Variants in SASH1 observed in about 807,000 individuals in gnomAD.
The protein encoded by SASH1 is SAM and SH3 domain-containing protein 1.
Under a neutral mutation model 125.2 loss-of-function variants are expected in SASH1, and 44 were observed. The ratio of observed to expected loss-of-function variants is 0.35; its 90% confidence interval spans 0.28 to 0.45. The LOEUF (loss-of-function observed/expected upper bound fraction) is 0.45. Ranked by LOEUF, SASH1 falls within the 20% of genes least tolerant of loss-of-function variation. The probability of loss-of-function intolerance (pLI) is 1.00; values close to 1 mark genes in which losing one functional copy is unlikely to be tolerated. For missense variants in SASH1, 1,426 were observed against 1,614.5 expected (o/e 0.88, Z 2.00); for synonymous variants, 639 against 649.1 (o/e 0.98, Z 0.24).
chr6:148,313,082 G>C (rs1001855920), intron 1 of SASH1, among the ~76,000 whole-genome samples: 1 of 152,176 alleles, frequency 6.6e-6, no homozygotes, highest in Admixed American at 6.5e-5. Context: ...GGCAGAGAGA[G>C]GAGAGACCAA....
intron 19 of SASH1, among the ~76,000 whole-genome samples, chr6:148,547,388 A>G (rs955181052): frequency 1.1e-4 from 17 of 152,230 alleles, no homozygotes; most frequent in African/African-American, 3.9e-4. Context: ...CAGACTACTC[A>G]GAATGGCATG....
chr6:148,257,721 C>T, the SASH1 span, among the ~76,000 whole-genome samples: 1 of 151,126 alleles, frequency 6.6e-6, no homozygotes, highest in South Asian at 2.1e-4. Flanking sequence ...AACTCCGCCT[C>T]CTGGGTTCAA....
At chr6:148,484,200 C>T (rs6929014) in intron 7 of SASH1, among the ~76,000 whole-genome samples, 1 of 152,062 alleles carries the variant, frequency 6.6e-6, no homozygotes, top group African/African-American at 2.4e-5. Flanking sequence ...ATATCTCTCC[C>T]TAAAGGTCTC....
At chr6:148,265,781 T>G in the SASH1 span, among the ~76,000 whole-genome samples, 1 of 152,152 alleles carries the variant, frequency 6.6e-6, no homozygotes, top group Non-Finnish European at 1.5e-5. Context: ...AGGGAACTAC[T>G]GCTGTCTCTG....
chr6:148,304,973 G>C (rs1424697551), intron 1 of SASH1, among the ~76,000 whole-genome samples: 1 of 152,236 alleles, frequency 6.6e-6, no homozygotes, highest in South Asian at 2.1e-4. Context: ...GGAGGTTGCA[G>C]TGAGCCAAGA....
Position 148,519,270 on chromosome 6 carries a change from G to A in SASH1, c.863-277G>A, listed in dbSNP as rs200112938. ...CTAAGGCATATTGTGATTATGGCTAGCTTAGATTTTGCAAACGGCATTTTA... is the reference window on the plus strand; with the variant it reads ...CTAAGGCATATTGTGATTATGGCTAACTTAGATTTTGCAAACGGCATTTTA... On this transcript the variant is annotated intron_variant, in intron 9 of 19. Coordinates refer to ENST00000367467, the MANE Select transcript of SASH1 (RefSeq NM_015278.5). The surrounding 1 kb of genome is among the most constrained non-coding windows in gnomAD (Gnocchi z 4.8). Among the ~76,000 whole-genome samples the A allele has an allele frequency of 6.6e-6, 1 of 152,204 alleles. No homozygotes were observed. Among genetic ancestry groups the A allele is most frequent in the East Asian group, 1.9e-4 (1 of 5,196 alleles).
chr6:148,525,189 T>G, intron 10 of SASH1, 102 bp from the exon 11 acceptor site: 1 of 789,348 alleles, frequency 1.3e-6, no homozygotes, highest in Non-Finnish European at 2.3e-6. Flanking sequence ...TCCACGTATT[T>G]GTGATTCAGA....
At chr6:148,328,325 G>T (rs748592073) in intron 1 of SASH1, among the ~76,000 whole-genome samples, 1 of 152,122 alleles carries the variant, frequency 6.6e-6, no homozygotes. Flanking sequence ...GAGGCCGGGC[G>T]CGGTGGCTCA....
upstream of SASH1, among the ~76,000 whole-genome samples, chr6:148,341,325 T>G (rs543271369): frequency 1.6e-3 from 233 of 147,158 alleles, no homozygotes; most frequent in African/African-American, 5.8e-3. Context: ...TTGTTTTTTT[T>G]TTTTGTTTTT....
At chr6:148,221,286 T>C in the SASH1 span, among the ~76,000 whole-genome samples, 1 of 152,212 alleles carries the variant, frequency 6.6e-6, no homozygotes, top group Non-Finnish European at 1.5e-5. Flanking sequence ...TTTGAGTAAT[T>C]TACAAGGTTA....
intron 1 of SASH1, among the ~76,000 whole-genome samples, chr6:148,323,230 G>A (rs1288206778): frequency 1.3e-5 from 2 of 151,998 alleles, no homozygotes; most frequent in African/African-American, 2.4e-5. Context: ...GGCTGGTCTC[G>A]AACTCCTGAC....
At chr6:148,477,930 C>T (rs1778441017) in intron 7 of SASH1, among the ~76,000 whole-genome samples, 1 of 152,068 alleles carries the variant, frequency 6.6e-6, no homozygotes, top group Admixed American at 6.6e-5. Context: ...CTCCTGACCT[C>T]AGGTGATCCA....
chr6:148,508,529 A>G, intron 8 of SASH1: 4 of 1,033,846 alleles, frequency 3.9e-6, no homozygotes, highest in Non-Finnish European at 4.7e-6. Context: ...GCCATGCACA[A>G]CACTCCCTTT....
chr6:148,543,947 A>G lies in SASH1; in HGVS notation c.2477A>G (p.Glu826Gly), dbSNP rs762580421. The G allele has an allele frequency of 1.2e-6, 2 of 1,614,184 alleles. No individual in the cohort carries two copies. Among genetic ancestry groups the G allele is most frequent in the Non-Finnish European group, 1.7e-6 (2 of 1,180,042 alleles). Residue 826 changes from glutamate (E) to glycine (G), a missense_variant, in exon 18 of 20, where the codon GAG becomes GGG. Physicochemically the swap from Glu to Gly is moderately conservative, Grantham distance 98. Around this residue, in one of 3 missense-constraint regions of SASH1, gnomAD observed 634 missense variants for 694.4 expected, o/e 0.91. Coordinates refer to ENST00000367467, the MANE Select transcript of SASH1 (RefSeq NM_015278.5). ...ATCTGCCGGAGCTGTGAGACCCTGG[A>G]GGGCCCCCAGACTGTGGACACTTGG... ...VSICRSCETL[E>G]GPQTVDTWPR...
chr6:148,334,385 G>A lies in SASH1; in HGVS notation n.75-55749G>A, dbSNP rs1334984041. Among the ~76,000 whole-genome samples the A allele has an allele frequency of 1.2e-3, 154 of 123,498 alleles. 2 individuals carry two copies. Among genetic ancestry groups the A allele is most frequent in the African/African-American group, 4.5e-3 (142 of 31,862 alleles). The allele number at this position is 123,498 out of a possible 152,430, so 81.0% of individuals were successfully genotyped here. On this transcript the variant is annotated intron_variant and non_coding_transcript_variant, in intron 1 of 3. Coordinates refer to the SASH1 transcript ENST00000367469. ...GGAGCTTGCAGTGAGCCGAGATTGC[G>A]CCACTGCACTCCCGCCTGGGCCACA... is the stretch of plus-strand genomic sequence containing the variant.
chr6:148,391,248 T>C (rs546529422), intron 2 of SASH1, among the ~76,000 whole-genome samples: 1 of 152,106 alleles, frequency 6.6e-6, no homozygotes, highest in South Asian at 2.1e-4. Flanking sequence ...TGGCTGGGAT[T>C]ACAGGCATGC....
At chr6:148,262,271 C>T in the SASH1 span, among the ~76,000 whole-genome samples, 1 of 152,142 alleles carries the variant, frequency 6.6e-6, no homozygotes, top group Non-Finnish European at 1.5e-5. Flanking sequence ...TTTTCCTGAA[C>T]AGCACGGCAA....
At chr6:148,547,164 C>T (rs1270715942) in intron 19 of SASH1, among the ~76,000 whole-genome samples, 4 of 152,186 alleles carry the variant, frequency 2.6e-5, no homozygotes, top group Admixed American at 6.5e-5. Context: ...CTCTTTGCCA[C>T]GTGCGAATGG....
chr6:148,387,378 C>G (rs1783417043), intron 1 of SASH1, among the ~76,000 whole-genome samples: 1 of 151,834 alleles, frequency 6.6e-6, no homozygotes, highest in Non-Finnish European at 1.5e-5. Flanking sequence ...TCCCAAAGTG[C>G]TGGGATTACA....
Sources: allele counts gnomAD v4.1 joint callset (sites outside exome capture counted in the v4.1 genomes callset), GRCh38; gene constraint gnomAD v4.1.1; regional missense constraint gnomAD v4.1.1; non-coding constraint Gnocchi (gnomAD v3.1); transcripts MANE v1.5; gene names NCBI Gene and HGNC (gene_info 2026-07-23, HGNC 2026-07-21).